The following SVEP1 variants were observed in gnomAD, a reference collection of about 807,000 sequenced individuals.
SVEP1 encodes sushi, von Willebrand factor type A, EGF and pentraxin domain containing 1.
Under a neutral mutation model 367.3 loss-of-function variants are expected in SVEP1, and 164 were observed. The observed-to-expected ratio is 0.45, with a 90% CI of 0.39 to 0.51. SVEP1 has a LOEUF of 0.51. Ranked by LOEUF, SVEP1 falls within the 20% of genes least tolerant of loss-of-function variation. The pLI, the probability that SVEP1 is intolerant of heterozygous loss-of-function variation, is 0.00. For missense variants in SVEP1, 4,117 were observed against 4,425.3 expected (o/e 0.93, Z 1.98); for synonymous variants, 1,666 against 1,611.6 (o/e 1.03, Z -0.81).
intron 9 of SVEP1, among the ~76,000 whole-genome samples, chr9:110,487,087 G>T (rs1829291317): frequency 6.6e-6 from 1 of 152,148 alleles, no homozygotes; most frequent in East Asian, 1.9e-4. Flanking sequence ...CTCCCGAGTA[G>T]CTGGGATTAC....
At chr9:110,444,563 G>C (rs1332586536) in intron 26 of SVEP1, among the ~76,000 whole-genome samples, 1 of 152,166 alleles carries the variant, frequency 6.6e-6, no homozygotes, top group Non-Finnish European at 1.5e-5. Flanking sequence ...AACAAGGATG[G>C]CCAGCCAGAA....
At chr9:110,555,809 T>C (rs1037498033) in intron 1 of SVEP1, among the ~76,000 whole-genome samples, 2 of 152,198 alleles carry the variant, frequency 1.3e-5, no homozygotes, top group African/African-American at 2.4e-5. Context: ...GAAAATAATT[T>C]ACCCCTCGCC....
Position 110,499,122 on chromosome 9 carries a change from T to C in SVEP1, c.1600A>G (p.Ile534Val), listed in dbSNP as rs1353557050. Reference sequence around the variant, plus strand: ...AGCATTTCTTTGACTCCAGATAAAATGAACCCTTGGCGGCAACTTACATAG... The same window carrying C: ...AGCATTTCTTTGACTCCAGATAAAACGAACCCTTGGCGGCAACTTACATAG... ...ICYVSCRQGF[I>V]LSGVKEMLRC... The change falls in exon 7 of 48, where the codon ATT (isoleucine) becomes GTT (valine). Residue 534 changes from isoleucine (I) to valine (V), a missense_variant. Physicochemically the swap from Ile to Val is conservative, Grantham distance 29 (BLOSUM62 3). Around this residue, in one of 4 missense-constraint regions of SVEP1, gnomAD observed 2,174 missense variants for 2,494.3 expected, o/e 0.87. Coordinates refer to ENST00000374469, the MANE Select transcript of SVEP1 (RefSeq NM_153366.4). The C allele has an allele frequency of 1.2e-6, 2 of 1,613,786 alleles. No homozygotes were observed. The highest frequency in any genetic ancestry group is 1.7e-6 in the Non-Finnish European group (2 of 1,179,820).
At chr9:110,532,807 T>C (rs1488187419) in intron 3 of SVEP1, among the ~76,000 whole-genome samples, 5 of 152,072 alleles carry the variant, frequency 3.3e-5, no homozygotes, top group Admixed American at 6.6e-5. Context: ...TAGTAGCTCT[T>C]TCCAGCTATG....
At chr9:110,430,896 G>A (rs1828341020) in intron 32 of SVEP1, among the ~76,000 whole-genome samples, 1 of 152,112 alleles carries the variant, frequency 6.6e-6, no homozygotes, top group African/African-American at 2.4e-5. Flanking sequence ...TGGGCTCTGG[G>A]CTCTCCCTAT....
chr9:110,378,364 T>C (rs1181872796), intron 44 of SVEP1, among the ~76,000 whole-genome samples: 1 of 152,206 alleles, frequency 6.6e-6, no homozygotes, highest in East Asian at 1.9e-4. Context: ...TCTCTTGCAA[T>C]AGCCCCTGTT....
At chr9:110,409,596 T>A (rs1828014092) in intron 37 of SVEP1, among the ~76,000 whole-genome samples, 1 of 152,182 alleles carries the variant, frequency 6.6e-6, no homozygotes, top group Non-Finnish European at 1.5e-5. Context: ...AAAAAAACTT[T>A]CTGCCCAAAG....
Position 110,471,494 on chromosome 9 carries a change from A to G in SVEP1, c.2868T>C (p.Thr956=). 1 of 1,613,938 alleles carries G rather than the reference A, an allele frequency of 6.2e-7. No homozygotes were observed. Among genetic ancestry groups the G allele is most frequent in the South Asian group, 1.1e-5 (1 of 91,086 alleles). Residue 956 remains threonine (T), a synonymous_variant, in exon 16 of 48, where the codon ACT becomes ACC. Coordinates refer to ENST00000374469, the MANE Select transcript of SVEP1 (RefSeq NM_153366.4). ...LETITNKLKR[T]LNKDPMYSFQ... The stretch of plus-strand genomic sequence containing the variant: ...AGGAATACATGGGGTCTTTGTTGAG[A>G]GTCCTTTTCAGTTTATTTGTGATAG...
chr9:110,499,230 A>G lies in SVEP1; in HGVS notation c.1492T>C (p.Cys498Arg), dbSNP rs1375443198. 1 of 1,612,806 alleles carries G rather than the reference A, an allele frequency of 6.2e-7. No homozygotes were observed. The highest frequency in any genetic ancestry group is 1.3e-5 in the African/African-American group (1 of 75,042). ...GPEPRCVERH[C>R]STFQMPKDVI... ...TCTTTGGGCATCTGAAAGGTGGAAC[A>G]GTGGCGCTCTACGGTAGGGAAACAG... The change falls in exon 7 of 48, where the codon TGT (cysteine) becomes CGT (arginine). Residue 498 changes from cysteine to arginine, a missense_variant. Cys to Arg is a radical substitution (Grantham distance 180, BLOSUM62 -3). Coordinates refer to ENST00000374469, the MANE Select transcript of SVEP1 (RefSeq NM_153366.4).
At position 110,481,154 on chromosome 9, in the gene SVEP1, T is replaced by G. The variant is rs1234256560; in HGVS notation, c.2365+88A>C. The G allele has an allele frequency of 5.8e-6, 6 of 1,028,430 alleles. No individual in the cohort carries two copies. In the Admixed American group the frequency reaches 1.1e-4, roughly 19 times the overall value. The allele number at this position is 1,028,430 out of a possible 1,614,324, so 63.7% of individuals were successfully genotyped here. A position where few individuals can be genotyped will look rare whatever the true frequency, so the allele number is the denominator to read the frequency against. On this transcript the variant is annotated intron_variant, in intron 12 of 47. Transcript: ENST00000374469. ...CATGGCACCATTTTCCATTAATTCC[T>G]ATCGTAAGGCAATTTTCCTCTTTAA... is the stretch of plus-strand genomic sequence containing the variant.
chr9:110,404,538 T>G lies in SVEP1; in HGVS notation c.9455A>C (p.Tyr3152Ser). 6.2e-7 allele frequency: 1 copy of G among 1,614,008 alleles called. No homozygotes were observed. The highest frequency in any genetic ancestry group is 1.1e-5 in the South Asian group (1 of 91,086). The part of the protein sequence containing the change: ...SEVKLRCLEG[Y>S]TMDTDTDTFT... Reference sequence around the variant, plus strand: ...TGTATCTGTATCTGTATCCATCGTATAACCTTCCAGACATCTGCAATGGAA... The same window carrying G: ...TGTATCTGTATCTGTATCCATCGTAGAACCTTCCAGACATCTGCAATGGAA... The change falls in exon 39 of 48, where the codon TAT (tyrosine) becomes TCT (serine). Residue 3152 changes from tyrosine to serine, a missense_variant. Physicochemically the swap from Tyr to Ser is moderately radical, Grantham distance 144. Around this residue, in one of 4 missense-constraint regions of SVEP1, gnomAD observed 1,765 missense variants for 1,781.1 expected, o/e 0.99. Transcript: ENST00000374469.
chr9:110,472,307 A>T lies in SVEP1; in HGVS notation c.2616T>A (p.Gly872=). Residue 872 remains glycine, a synonymous_variant, in exon 15 of 48, where the codon GGT becomes GGA. Coordinates refer to ENST00000374469, the MANE Select transcript of SVEP1 (RefSeq NM_153366.4). ...AAGAGTAATCCAGCCTATTAGCTGC[A>T]CCCCAGCCACCTGGTCCTGGATAGT... ...NGFAIGPGGW[G]AANRLDYSYD... 6.3e-7 allele frequency: 1 copy of T among 1,595,430 alleles called. No individual in the cohort carries two copies. The highest frequency in any genetic ancestry group is 8.5e-7 in the Non-Finnish European group (1 of 1,174,286).
At chr9:110,556,282 G>A (rs977857822) in intron 1 of SVEP1, among the ~76,000 whole-genome samples, 1 of 152,122 alleles carries the variant, frequency 6.6e-6, no homozygotes, top group Admixed American at 6.6e-5. Context: ...ATGTCAGGCT[G>A]CAAGAGAACT....
At chr9:110,470,696 A>G (rs374146198) in intron 16 of SVEP1, among the ~76,000 whole-genome samples, 7 of 151,728 alleles carry the variant, frequency 4.6e-5, no homozygotes, top group Admixed American at 1.3e-4. Flanking sequence ...TTGGCCTCCC[A>G]AAGTGCTGGG....
intron 3 of SVEP1, among the ~76,000 whole-genome samples, chr9:110,526,239 G>A (rs879663391): frequency 2.0e-5 from 3 of 151,988 alleles, no homozygotes; most frequent in Admixed American, 2.0e-4. Flanking sequence ...GAACTAAAAA[G>A]TCAACCCACA....
At chr9:110,433,327 G>GCCTTATGGAGCTTA (rs1828380657) in intron 30 of SVEP1, among the ~76,000 whole-genome samples, 1 of 126,504 alleles carries the variant, frequency 7.9e-6, no homozygotes, top group Non-Finnish European at 1.6e-5. Flanking sequence ...CAAAATCCCT[G>GCCTTATGGAGCTTA]CCTTATGGAG....
intron 3 of SVEP1, among the ~76,000 whole-genome samples, chr9:110,528,156 G>GTGTATGTATATATATATATA: frequency 2.1e-4 from 7 of 33,950 alleles, no homozygotes; most frequent in African/African-American, 7.4e-4. Context: ...GTGTGTGTGT[G>GTGTATGTATATATATATATA]TATATATATA....
At chr9:110,487,185 AC>A (rs1338230972) in intron 9 of SVEP1, among the ~76,000 whole-genome samples, 1 of 152,042 alleles carries the variant, frequency 6.6e-6, no homozygotes, top group African/African-American at 2.4e-5. Flanking sequence ...GGAACTCTCC[AC>A]CTCAGGTGAT....
rs754703851 is a variant in SVEP1 at position 110,436,413 on chromosome 9, G to A, written c.4731C>T (p.Leu1577=). The A allele has an allele frequency of 3.1e-6, 5 of 1,613,962 alleles. No individual in the cohort carries two copies. Among genetic ancestry groups the A allele is most frequent in the Non-Finnish European group, 3.4e-6 (4 of 1,179,858 alleles). Residue 1577 remains leucine, a synonymous_variant, in exon 28 of 48, where the codon CTC becomes CTT. Transcript: ENST00000374469. ...AESFVGSISQ[L]NLWDYVLSPQ... ...GAGACAGGACATAGTCCCAGAGGTT[G>A]AGCTGGCTTATGGAGCCCACAAAAG...
Sources: gnomAD v4.1 joint callset for allele counts (sites outside exome capture counted in the v4.1 genomes callset) on GRCh38, gnomAD v4.1.1 for gene constraint, gnomAD v4.1.1 regional missense constraint, MANE v1.5 for transcripts, NCBI Gene and HGNC (gene_info 2026-07-23, HGNC 2026-07-21) for gene names.